The following HYDIN variants were observed in gnomAD, a reference collection of about 807,000 sequenced individuals.
The protein encoded by HYDIN is HYDIN axonemal central pair apparatus protein.
In HYDIN, 132 loss-of-function variants were observed where a neutral mutation model predicts 403.9. That is an observed-to-expected ratio of 0.33 (90% CI 0.28 to 0.38). The LOEUF is 0.38. HYDIN is among the 10% of genes least tolerant of loss of function. The pLI is 1.00. For synonymous variants in HYDIN, 1,202 were observed against 1,891.7 expected (o/e 0.64, Z 9.46); for missense variants, 2,827 against 5,009.5 (o/e 0.56, Z 13.15).
At chr16:70,819,280 A>T (rs2143460003) in intron 83 of HYDIN, among the ~76,000 whole-genome samples, 1 of 152,026 alleles carries the variant, frequency 6.6e-6, no homozygotes, top group South Asian at 2.1e-4. Flanking sequence ...AGCATCTGAC[A>T]CTTAATTAAT....
chr16:70,908,623 T>C (rs1567810336), intron 48 of HYDIN, 30 bp downstream of exon 48: 3 of 1,472,956 alleles, frequency 2.0e-6, no homozygotes, highest in Non-Finnish European at 2.8e-6. Flanking sequence ...TTGGCCCAGA[T>C]TCCCCTCCCT....
intron 10 of HYDIN, among the ~76,000 whole-genome samples, chr16:71,097,632 A>G (rs1426288346): frequency 2.1e-5 from 3 of 143,908 alleles, no homozygotes; most frequent in Non-Finnish European, 3.0e-5. Flanking sequence ...CCACACAAAC[A>G]TCTGTAGTAT....
intron 1 of HYDIN, among the ~76,000 whole-genome samples, chr16:71,191,392 T>C (rs575988464): frequency 6.6e-6 from 1 of 152,312 alleles, no homozygotes; most frequent in East Asian, 1.9e-4. Context: ...TTTAAAATAC[T>C]ACAGGAAAAA....
intron 18 of HYDIN, among the ~76,000 whole-genome samples, chr16:71,047,604 G>A (rs1262569636): frequency 1.3e-5 from 2 of 151,468 alleles, no homozygotes; most frequent in Admixed American, 6.6e-5. Flanking sequence ...GAATGACCAT[G>A]ACTTTTATGT....
At chr16:71,094,776 A>G (rs1414457375) in intron 10 of HYDIN, among the ~76,000 whole-genome samples, 2 of 152,198 alleles carry the variant, frequency 1.3e-5, no homozygotes, top group Non-Finnish European at 2.9e-5. Flanking sequence ...AGACAAACCA[A>G]TGTGCCTTCT....
In HYDIN at chr16:70,938,672, C is replaced by T. The variant is rs1441688605; in HGVS notation, c.6937G>A (p.Glu2313Lys). 12 of 1,612,224 alleles carry T rather than the reference C, an allele frequency of 7.4e-6. No homozygotes were observed. The highest frequency in any genetic ancestry group is 1.0e-5 in the Non-Finnish European group (12 of 1,178,592). ...CCCCGATCGAATGTGAGTTTCTCCT[C>T]CTCAGTCAGGGCATCATATTCTTCC... ...DEEEYDALTE[E>K]EKLTFDRGIQ... The change falls in exon 44 of 86, where the codon GAG becomes AAG. Residue 2313 changes from glutamate (E) to lysine (K), a missense_variant. By Grantham distance (56) the Glu-to-Lys change is moderately conservative. Transcript: ENST00000393567.
intron 20 of HYDIN, among the ~76,000 whole-genome samples, chr16:71,026,618 A>G (rs2080709829): frequency 6.6e-6 from 1 of 152,242 alleles, no homozygotes; most frequent in Admixed American, 6.5e-5. Flanking sequence ...ACACACAATA[A>G]AAGTTGGCTG....
chr16:70,993,968 CTA>C (rs1315742551), intron 23 of HYDIN, among the ~76,000 whole-genome samples: 1 of 151,858 alleles, frequency 6.6e-6, no homozygotes, highest in Admixed American at 6.6e-5. Context: ...ATGATATAGT[CTA>C]TGTCTATTTC....
intron 5 of HYDIN, among the ~76,000 whole-genome samples, chr16:71,165,296 A>C (rs1303720807): frequency 1.3e-5 from 2 of 151,594 alleles, no homozygotes; most frequent in African/African-American, 4.9e-5. Context: ...GCCTTTGCAC[A>C]TGATGTTCTC....
intron 41 of HYDIN, among the ~76,000 whole-genome samples, chr16:70,949,349 C>T (rs1201466787): frequency 1.3e-5 from 2 of 150,380 alleles, no homozygotes; most frequent in Non-Finnish European, 3.0e-5. Context: ...GGGAGATATA[C>T]CTAATGTTAG....
In HYDIN at chr16:70,889,654, T is replaced by G. The variant is rs2143713025; in HGVS notation, c.9707A>C (p.Lys3236Thr). The change falls in exon 58 of 86, where the codon AAA becomes ACA. Residue 3236 changes from lysine to threonine, a missense_variant. Coordinates refer to ENST00000393567, the MANE Select transcript of HYDIN (RefSeq NM_001270974.2). ...ARSRESESFYKTGSSRAAKFS... is the reference protein window; with the variant it reads ...ARSRESESFYTTGSSRAAKFS... ...CTTGGCTGCTCTGGAAGAGCCAGTT[T>G]TGTAGAAGCTCTCACTTTCTCGGGA... 1 of 665,814 alleles carries G rather than the reference T, an allele frequency of 1.5e-6. No individual in the cohort carries two copies. The highest frequency in any genetic ancestry group is 2.9e-5 in the East Asian group (1 of 34,824). The allele number at this position is 665,814 out of a possible 1,614,324, so 41.2% of individuals were successfully genotyped here.
intron 5 of HYDIN, among the ~76,000 whole-genome samples, chr16:71,163,172 G>A (rs775331979): frequency 6.7e-6 from 1 of 149,308 alleles, no homozygotes; most frequent in African/African-American, 2.5e-5. Flanking sequence ...GCCCAGGCTG[G>A]AGTGCAGTGG....
intron 1 of HYDIN, among the ~76,000 whole-genome samples, chr16:71,214,217 C>T (rs1040056307): frequency 6.6e-6 from 1 of 151,996 alleles, no homozygotes; most frequent in African/African-American, 2.4e-5. Flanking sequence ...AATGATAATA[C>T]ATTATTAAGA....
At chr16:70,872,649 C>T (rs1447610573) in intron 64 of HYDIN, among the ~76,000 whole-genome samples, 20 of 139,280 alleles carry the variant, frequency 1.4e-4, no homozygotes, top group African/African-American at 4.4e-4. Context: ...TCGCATCCAT[C>T]CATCATCCAC....
intron 18 of HYDIN, among the ~76,000 whole-genome samples, chr16:71,036,834 T>C (rs1179623016): frequency 1.3e-5 from 2 of 152,170 alleles, no homozygotes; most frequent in Non-Finnish European, 2.9e-5. Flanking sequence ...TTGTGTCTCT[T>C]TGGTGGTTGA....
intron 37 of HYDIN, 123 bp from the exon 38 acceptor site, chr16:70,962,261 G>A: frequency 2.2e-6 from 1 of 451,240 alleles, no homozygotes; most frequent in Middle Eastern, 5.5e-4. Flanking sequence ...CCATCACCCT[G>A]GACCATTCAA....
chr16:70,944,116 C>A (rs2077771352), intron 41 of HYDIN, among the ~76,000 whole-genome samples, 167 bp from the exon 42 acceptor site: 1 of 152,224 alleles, frequency 6.6e-6, no homozygotes, highest in Non-Finnish European at 1.5e-5. Context: ...CCTTAAAGAA[C>A]CACTGTAAGT....
intron 68 of HYDIN, 103 bp downstream of exon 68, chr16:70,862,982 C>T: frequency 2.9e-6 from 2 of 688,940 alleles, no homozygotes; most frequent in Non-Finnish European, 4.9e-6. Context: ...TTTTCTTTAG[C>T]TACTTAGGAG....
At chr16:70,911,465 G>C (rs1398135407) in intron 47 of HYDIN, among the ~76,000 whole-genome samples, 2 of 139,754 alleles carry the variant, frequency 1.4e-5, no homozygotes, top group Non-Finnish European at 3.1e-5. Flanking sequence ...TGTTCCATTG[G>C]TCTATATGCC....
Sources: allele counts gnomAD v4.1 joint callset (sites outside exome capture counted in the v4.1 genomes callset), GRCh38; gene constraint gnomAD v4.1.1; transcripts MANE v1.5; gene names NCBI Gene and HGNC (gene_info 2026-07-23, HGNC 2026-07-21).